PCCA: variants seen among roughly 807,000 people sequenced by gnomAD.
PCCA encodes the protein propionyl-CoA carboxylase subunit alpha, also known as propionyl-CoA carboxylase alpha chain, mitochondrial.
PCCA carries 74 observed loss-of-function variants against 101.3 expected under a neutral mutation model. The ratio of observed to expected loss-of-function variants is 0.73; its 90% confidence interval spans 0.61 to 0.89. PCCA has a LOEUF of 0.89. PCCA is among the 40% of genes least tolerant of loss of function. The pLI is 0.00. For missense variants in PCCA, 891 were observed against 907.0 expected, an observed-to-expected ratio of 0.98 and a Z score of 0.23; for synonymous variants, 294 against 313.6, an observed-to-expected ratio of 0.94 and a Z score of 0.66.
chr13:100,089,124 G>T lies in PCCA; in HGVS notation c.4G>T (p.Ala2Ser). The change falls in exon 1 of 24, where the codon GCG becomes TCG. Residue 2 changes from alanine to serine, a missense_variant. Transcript: ENST00000376285. M[A>S]GFWVGTAPLV... Reference sequence around the variant, plus strand: ...GGGGCGGTCTGCGGGGACAACAATGGCGGGGTTCTGGGTCGGGACAGCACC... The same window carrying T: ...GGGGCGGTCTGCGGGGACAACAATGTCGGGGTTCTGGGTCGGGACAGCACC... 1 of 1,502,016 alleles carries T rather than the reference G, an allele frequency of 6.7e-7. No homozygotes were observed. Among genetic ancestry groups the T allele is most frequent in the Non-Finnish European group, 8.9e-7 (1 of 1,122,018 alleles). The allele number at this position is 1,502,016 out of a possible 1,614,324, so 93.0% of individuals were successfully genotyped here. A position where few individuals can be genotyped will look rare whatever the true frequency, so the allele number is the denominator to read the frequency against.
intron 21 of PCCA, chr13:100,479,673 C>T (rs2083723252): frequency 6.6e-6 from 1 of 152,148 alleles, no homozygotes. Flanking sequence ...ATCTTGCTGT[C>T]TCAAGAGCAG....
At chr13:100,345,323 A>C (rs1272861690) in intron 18 of PCCA, among the ~76,000 whole-genome samples, 1 of 152,240 alleles carries the variant, frequency 6.6e-6, no homozygotes, top group African/African-American at 2.4e-5. Context: ...TGAACACACA[A>C]ATGATAAGAA....
At chr13:100,487,733 T>C (rs1463589794) in intron 21 of PCCA, among the ~76,000 whole-genome samples, 1 of 152,076 alleles carries the variant, frequency 6.6e-6, no homozygotes, top group Non-Finnish European at 1.5e-5. Flanking sequence ...TTTTAATTAA[T>C]TTATTTTTTG....
intron 6 of PCCA, among the ~76,000 whole-genome samples, chr13:100,172,053 T>C (rs1429226878): frequency 6.6e-6 from 1 of 150,844 alleles, no homozygotes; most frequent in Non-Finnish European, 1.5e-5. Flanking sequence ...AAAAAAATAT[T>C]AGCTGGGTGT....
rs2087638392 is a variant in PCCA, at chr13:100,524,964, G to A, written c.2041-2711G>A. On this transcript the variant is annotated intron_variant, in intron 22 of 23. Coordinates refer to ENST00000376285, the MANE Select transcript of PCCA (RefSeq NM_000282.4). ...TTAGATAGGATAGATAGGATAGACC[G>A]AGATTCTGTCTCTAAGATGGATAGA... Among the ~76,000 whole-genome samples the A allele has an allele frequency of 2.7e-5, 4 of 150,068 alleles. No homozygotes were observed. The South Asian group carries it at 6.4e-4, about 24-fold the overall frequency.
At chr13:100,270,257 G>T (rs761568950) in intron 11 of PCCA, among the ~76,000 whole-genome samples, 29 of 152,192 alleles carry the variant, frequency 1.9e-4, no homozygotes, top group Non-Finnish European at 3.7e-4. Flanking sequence ...CACTTAGCTA[G>T]GGAGACTTGT....
intron 10 of PCCA, 97 bp from the exon 11 acceptor site, chr13:100,268,592 T>G (rs1191213483): frequency 1.2e-6 from 1 of 850,754 alleles, no homozygotes; most frequent in Admixed American, 1.7e-5. Flanking sequence ...GAAGTTTGAA[T>G]ATTAAAAACC....
intron 4 of PCCA, chr13:100,150,543 CA>C: frequency 1.5e-5 from 20 of 1,316,488 alleles, no homozygotes; most frequent in Non-Finnish European, 2.1e-5. Flanking sequence ...CGAGAACCAC[CA>C]ATAGTGTGGT....
At chr13:100,127,795 G>A (rs545832151) in intron 4 of PCCA, among the ~76,000 whole-genome samples, 5 of 152,268 alleles carry the variant, frequency 3.3e-5, no homozygotes, top group African/African-American at 1.2e-4. Flanking sequence ...GGGAGGCTGA[G>A]GCAGGAGAAT....
intron 6 of PCCA, among the ~76,000 whole-genome samples, chr13:100,168,856 A>G (rs1048718264): frequency 6.6e-6 from 1 of 152,178 alleles, no homozygotes. Context: ...ACCTTTCAAG[A>G]AAAGGTTTCT....
chr13:100,447,497 C>A (rs1167545126), intron 20 of PCCA, among the ~76,000 whole-genome samples: 1 of 152,020 alleles, frequency 6.6e-6, no homozygotes, highest in Non-Finnish European at 1.5e-5. Flanking sequence ...CATGGTGAAA[C>A]CCCGTCTCTA....
chr13:100,305,206 C>G (rs116894338), intron 14 of PCCA, among the ~76,000 whole-genome samples: 233 of 152,108 alleles, frequency 1.5e-3, no homozygotes, highest in African/African-American at 5.4e-3. Context: ...TACAAAGATA[C>G]GTGTTTATAT....
At chr13:100,147,021 A>C (rs1223930964) in intron 4 of PCCA, among the ~76,000 whole-genome samples, 2 of 152,070 alleles carry the variant, frequency 1.3e-5, no homozygotes, top group East Asian at 3.9e-4. Context: ...AAAAAAAAAA[A>C]AAACTGAGTG....
chr13:100,276,234 A>AAAAT (rs1225753903), intron 12 of PCCA, among the ~76,000 whole-genome samples: 5 of 150,930 alleles, frequency 3.3e-5, no homozygotes. Context: ...AAAAAAAAAA[A>AAAAT]AAAAAAAAAA....
At chr13:100,282,705 C>G (rs896269999) in intron 12 of PCCA, among the ~76,000 whole-genome samples, 7 of 152,224 alleles carry the variant, frequency 4.6e-5, no homozygotes, top group African/African-American at 1.7e-4. Context: ...ACAATACTAT[C>G]CTGCAGCTTG....
chr13:100,449,907 T>C (rs575330049), intron 21 of PCCA, among the ~76,000 whole-genome samples: 10 of 152,352 alleles, frequency 6.6e-5, no homozygotes, highest in African/African-American at 2.4e-4. Context: ...TTATTTTATG[T>C]CCCTTTAGAA....
chr13:100,176,896 A>T (rs938460611), intron 6 of PCCA, among the ~76,000 whole-genome samples: 1 of 152,172 alleles, frequency 6.6e-6, no homozygotes, highest in Admixed American at 6.5e-5. Flanking sequence ...CTTTGTAAAA[A>T]ATGTAAATTT....
At chr13:100,399,531 C>T (rs1333567744) in intron 19 of PCCA, among the ~76,000 whole-genome samples, 1 of 152,156 alleles carries the variant, frequency 6.6e-6, no homozygotes, top group Non-Finnish European at 1.5e-5. Context: ...GACCTTCTAA[C>T]CATCACTCAT....
In PCCA at chr13:100,344,800, G is replaced by A. The variant is rs377655961; in HGVS notation, c.1643+4541G>A. Among the ~76,000 whole-genome samples, 121 of 152,184 alleles carry A rather than the reference G, an allele frequency of 8.0e-4. 1 individual carries two copies. The South Asian group carries it at 0.024, about 31-fold the overall frequency. ...AAGGTTTATGGCAACCCTGCATTGA[G>A]CAAGTCTTTTTGTGCTGTTTTTCCA... On this transcript the variant is annotated intron_variant, in intron 18 of 23. Transcript: ENST00000376285.
Sources: allele counts gnomAD v4.1 joint callset (sites outside exome capture counted in the v4.1 genomes callset), GRCh38; gene constraint gnomAD v4.1.1; transcripts MANE v1.5; gene names NCBI Gene and HGNC (gene_info 2026-07-23, HGNC 2026-07-21).